Variants in AGTPBP1 observed in about 807,000 individuals in gnomAD.
AGTPBP1 encodes ATP/GTP binding carboxypeptidase 1.
Under a neutral mutation model 143.9 loss-of-function variants are expected in AGTPBP1, and 70 were observed. The observed-to-expected ratio is 0.49, with a 90% CI of 0.40 to 0.59. AGTPBP1 has a LOEUF of 0.59. AGTPBP1 is among the 20% of genes least tolerant of loss of function. The pLI, the probability that AGTPBP1 is intolerant of heterozygous loss-of-function variation, is 0.00. For missense variants in AGTPBP1, 1,229 were observed against 1,464.5 expected, an observed-to-expected ratio of 0.84 and a Z score of 2.62; for synonymous variants, 463 against 500.2, an observed-to-expected ratio of 0.93 and a Z score of 0.99.
At chr9:85,589,817 G>T in intron 19 of AGTPBP1, 136 bp from the exon 20 acceptor site, 1 of 824,740 alleles carries the variant, frequency 1.2e-6, no homozygotes. Flanking sequence ...CTCAGGGCCA[G>T]ATGTAGCCTA....
chr9:85,590,219 T>A (rs1407005457), intron 19 of AGTPBP1, among the ~76,000 whole-genome samples: 4 of 152,038 alleles, frequency 2.6e-5, no homozygotes, highest in Admixed American at 6.6e-5. Flanking sequence ...AAGAAAAAAA[T>A]TTTTTTAAGT....
intron 4 of AGTPBP1, among the ~76,000 whole-genome samples, chr9:85,680,718 T>G (rs1402366945): frequency 6.6e-6 from 1 of 152,160 alleles, no homozygotes; most frequent in African/African-American, 2.4e-5. Context: ...AGAACATGAA[T>G]TCATTTCTTG....
intron 25 of AGTPBP1, among the ~76,000 whole-genome samples, chr9:85,570,279 A>G (rs1291639456): frequency 5.9e-5 from 9 of 152,310 alleles, no homozygotes; most frequent in African/African-American, 2.2e-4. Context: ...TGAATTGTTT[A>G]TTTCTGGAAT....
chr9:85,741,254 A>C, intron 1 of AGTPBP1: 1 of 985,408 alleles, frequency 1.0e-6, no homozygotes, highest in Non-Finnish European at 1.2e-6. Flanking sequence ...CCCATCGCCG[A>C]TGTCACAGCA....
upstream of AGTPBP1, among the ~76,000 whole-genome samples, chr9:85,746,096 G>A (rs571175782): frequency 6.6e-6 from 1 of 152,118 alleles, no homozygotes; most frequent in South Asian, 2.1e-4. Context: ...ATTAGGGTGG[G>A]GCGACCAGCC....
At chr9:85,701,240 T>G (rs1255285187) in intron 2 of AGTPBP1, among the ~76,000 whole-genome samples, 4 of 151,212 alleles carry the variant, frequency 2.6e-5, no homozygotes, top group Non-Finnish European at 5.9e-5. Context: ...TTTTTTAATT[T>G]TTTTTTTGAG....
chr9:85,568,396 T>C (rs1827244021), intron 25 of AGTPBP1, among the ~76,000 whole-genome samples: 1 of 152,160 alleles, frequency 6.6e-6, no homozygotes, highest in Non-Finnish European at 1.5e-5. Flanking sequence ...CATAACTGGT[T>C]TAGAAGCACT....
At chr9:85,672,132 ACAATCTCAGCTCATTGCAAC>A (rs1834521945) in intron 7 of AGTPBP1, among the ~76,000 whole-genome samples, 1 of 151,398 alleles carries the variant, frequency 6.6e-6, no homozygotes, top group African/African-American at 2.4e-5. Flanking sequence ...GTGCAATGGC[ACAATCTCAGCTCATTGCAAC>A]CTCCACTTCC....
chr9:85,668,979 G>A (rs918370345), intron 8 of AGTPBP1, among the ~76,000 whole-genome samples: 2,195 of 81,094 alleles, frequency 0.027, 71 homozygotes, highest in African/African-American at 0.083. Context: ...GTGTGTGTGT[G>A]TGTGTGTGTG....
At chr9:85,598,640 C>T (rs1378978979) in intron 17 of AGTPBP1, among the ~76,000 whole-genome samples, 1 of 152,178 alleles carries the variant, frequency 6.6e-6, no homozygotes, top group Non-Finnish European at 1.5e-5. Context: ...TCAAGGATTG[C>T]AACTTGTAAA....
At chr9:85,755,118 G>A in the AGTPBP1 span, among the ~76,000 whole-genome samples, 8 of 152,204 alleles carry the variant, frequency 5.3e-5, no homozygotes, top group African/African-American at 1.7e-4. Context: ...TTGGAAGACC[G>A]AATAACTATG....
chr9:85,777,931 G>A, the AGTPBP1 span, among the ~76,000 whole-genome samples: 1 of 152,226 alleles, frequency 6.6e-6, no homozygotes, highest in African/African-American at 2.4e-5. Context: ...GAAAGGGGCT[G>A]TAGTGCCGCA....
chr9:85,778,495 G>C, the AGTPBP1 span, among the ~76,000 whole-genome samples: 1 of 152,172 alleles, frequency 6.6e-6, no homozygotes, highest in East Asian at 1.9e-4. Flanking sequence ...GGGTCATATG[G>C]CCCAAGTGGC....
chr9:85,662,567 A>G (rs1188137845), intron 8 of AGTPBP1, among the ~76,000 whole-genome samples: 2 of 152,156 alleles, frequency 1.3e-5, no homozygotes, highest in Non-Finnish European at 2.9e-5. Flanking sequence ...TGAGACTGCG[A>G]TTTATAAAAA....
intron 1 of AGTPBP1, among the ~76,000 whole-genome samples, chr9:85,717,702 T>C (rs1423266384): frequency 6.6e-6 from 1 of 151,530 alleles, no homozygotes; most frequent in Non-Finnish European, 1.5e-5. Context: ...TAATATACTT[T>C]AAGTTCTAGG....
chr9:85,786,176 C>T, the AGTPBP1 span: 3 of 1,603,836 alleles, frequency 1.9e-6, no homozygotes, highest in Admixed American at 3.3e-5. Flanking sequence ...GCATCCAGAC[C>T]TGAAAGTATG....
chr9:85,662,361 G>A (rs1197913847), intron 8 of AGTPBP1, among the ~76,000 whole-genome samples: 1 of 152,154 alleles, frequency 6.6e-6, no homozygotes, highest in Non-Finnish European at 1.5e-5. Flanking sequence ...TCAAAACAAT[G>A]TGAAGTGTTG....
rs1224001592 is a variant in AGTPBP1, at chr9:85,646,373, A to C, written c.1133T>G (p.Val378Gly). Reference sequence around the variant, plus strand: ...ATTCTCAGTTTCGTTTTCAGCTTCTACATCAATATCATCGTTGTCATCACT... The same window carrying C: ...ATTCTCAGTTTCGTTTTCAGCTTCTCCATCAATATCATCGTTGTCATCACT... ...DESDDNDDID[V>G]EAENETENED... The change falls in exon 12 of 26, where the codon GTA (valine) becomes GGA (glycine). Residue 378 changes from valine (V) to glycine (G), a missense_variant. Physicochemically the swap from Val to Gly is moderately radical, Grantham distance 109. This residue lies in a region of AGTPBP1 where 743 missense variants were observed against 812.2 expected (regional missense o/e 0.91). Coordinates refer to ENST00000357081, the MANE Select transcript of AGTPBP1 (RefSeq NM_001330701.2). The C allele has an allele frequency of 1.2e-6, 2 of 1,613,210 alleles. No individual in the cohort carries two copies. Among genetic ancestry groups the C allele is most frequent in the South Asian group, 2.2e-5 (2 of 91,068 alleles).
At chr9:85,706,884 T>G (rs1413742719) in intron 2 of AGTPBP1, among the ~76,000 whole-genome samples, 7 of 150,190 alleles carry the variant, frequency 4.7e-5, no homozygotes, top group African/African-American at 1.7e-4. Context: ...TCAAAATAAA[T>G]AAATAAATAG....
Sources: gnomAD v4.1 joint callset for allele counts (sites outside exome capture counted in the v4.1 genomes callset) on GRCh38, gnomAD v4.1.1 for gene constraint, gnomAD v4.1.1 regional missense constraint, MANE v1.5 for transcripts, NCBI Gene and HGNC (gene_info 2026-07-23, HGNC 2026-07-21) for gene names.